ATG2B: variants seen among roughly 807,000 people sequenced by gnomAD.
The protein encoded by ATG2B is autophagy related 2B, also known as autophagy-related protein 2 homolog B.
In ATG2B, 121 loss-of-function variants were observed where a neutral mutation model predicts 241.3. The ratio of observed to expected loss-of-function variants is 0.50; its 90% CI spans 0.43 to 0.58. ATG2B has a LOEUF of 0.58. ATG2B is among the 20% of genes least tolerant of loss of function. The pLI is 0.00. For missense variants in ATG2B, 2,306 were observed against 2,491.6 expected, an observed-to-expected ratio of 0.93 and a Z score of 1.59; for synonymous variants, 858 against 876.6, an observed-to-expected ratio of 0.98 and a Z score of 0.37.
At chr14:96,317,579 A>C in intron 19 of ATG2B, 119 bp downstream of exon 19, 1 of 901,232 alleles carries the variant, frequency 1.1e-6, no homozygotes, top group East Asian at 2.7e-5. Context: ...TACTAAAAGA[A>C]ATTGCAAAAT....
At position 96,334,419 on chromosome 14, in the gene ATG2B, G is replaced by C. The variant is rs929157819; in HGVS notation, c.1007C>G (p.Ala336Gly). 6.2e-7 allele frequency: 1 copy of C among 1,607,384 alleles called. No individual in the cohort carries two copies. Residue 336 changes from alanine to glycine, a missense_variant, in exon 7 of 42, where the codon GCT becomes GGT. Around this residue, in one of 2 missense-constraint regions of ATG2B, gnomAD observed 1,927 missense variants for 2,011.2 expected, o/e 0.96. Transcript: ENST00000359933. ...ATTATACTTGCCTGGTCCAGCAATA[G>C]CTGCCAACATATCCAAAAGCAAGTG... ...QVHLLLDMLA[A>G]IAGPENSSKI...
At chr14:96,340,103 A>AATATATGCTATATATGAATATATATATC (rs1887978444) in intron 6 of ATG2B, among the ~76,000 whole-genome samples, 1 of 103,838 alleles carries the variant, frequency 9.6e-6, no homozygotes, top group East Asian at 3.4e-4. Context: ...TGCTATATAG[A>AATATATGCTATATATGAATATATATATC]ATATATGATA....
chr14:96,323,527 A>T (rs987940072), intron 16 of ATG2B, among the ~76,000 whole-genome samples: 4 of 152,236 alleles, frequency 2.6e-5, no homozygotes, highest in Admixed American at 2.6e-4. Context: ...CCTAATTGAT[A>T]CATATCCTAA....
chr14:96,338,570 G>C (rs1476574735), intron 6 of ATG2B, among the ~76,000 whole-genome samples: 2 of 152,098 alleles, frequency 1.3e-5, no homozygotes, highest in Non-Finnish European at 2.9e-5. Context: ...ATGATGCTGG[G>C]AAAACTGGCA....
At chr14:96,350,964 C>T (rs2139904037) in intron 1 of ATG2B, among the ~76,000 whole-genome samples, 1 of 152,324 alleles carries the variant, frequency 6.6e-6, no homozygotes, top group Non-Finnish European at 1.5e-5. Context: ...TATTCTTCCT[C>T]TCTTCAGAAA....
intron 1 of ATG2B, among the ~76,000 whole-genome samples, chr14:96,356,099 A>C (rs1888466426): frequency 6.7e-6 from 1 of 150,264 alleles, no homozygotes; most frequent in Admixed American, 6.7e-5. Context: ...TAAACCCGGG[A>C]GGCGGAGCTT....
intron 14 of ATG2B, among the ~76,000 whole-genome samples, chr14:96,327,168 C>T (rs1465298007): frequency 6.6e-6 from 1 of 151,718 alleles, no homozygotes; most frequent in South Asian, 2.1e-4. Flanking sequence ...CCAAGGGGGT[C>T]AAGACTGAAG....
intron 34 of ATG2B, among the ~76,000 whole-genome samples, chr14:96,297,787 AATTTT>A (rs1886688346): frequency 6.6e-6 from 1 of 151,332 alleles, no homozygotes; most frequent in African/African-American, 2.4e-5. Flanking sequence ...CCAACAACTC[AATTTT>A]ATTTTATTTT....
chr14:96,331,561 TGA>T lies in ATG2B; in HGVS notation c.1543_1544del (p.Ser515AsnfsTer7). On this transcript the variant is annotated frameshift_variant, in exon 11 of 42. Coordinates refer to ENST00000359933, the MANE Select transcript of ATG2B (RefSeq NM_018036.7). LOFTEE classifies it high-confidence loss of function. ...AAGGATCAATGTGAAGCACAGAGATTGAAAAAGTTCCCACAGCTAGTCTAAAA... is the reference window on the plus strand; with the variant it reads ...AAGGATCAATGTGAAGCACAGAGATTAAAAGTTCCCACAGCTAGTCTAAAA... ...LIFRLAVGTF[S>X]ISVLHIDPLS... 1 of 1,614,070 alleles carries T rather than the reference TGA, an allele frequency of 6.2e-7. No homozygotes were observed. Among genetic ancestry groups the T allele is most frequent in the Non-Finnish European group, 8.5e-7 (1 of 1,179,964 alleles).
chr14:96,294,759 C>T (rs922101463), intron 36 of ATG2B, among the ~76,000 whole-genome samples: 12 of 152,072 alleles, frequency 7.9e-5, no homozygotes, highest in South Asian at 2.1e-4. Flanking sequence ...GAAAGAGAGA[C>T]GAATTTGGAA....
rs555620161 is a variant in ATG2B, at chr14:96,320,159, C to T, written c.2879+1953G>A. Among the ~76,000 whole-genome samples the T allele has an allele frequency of 5.3e-5, 8 of 152,284 alleles. No homozygotes were observed. The East Asian group carries it at 5.8e-4, about 11-fold the overall frequency. ...CAATTACCCCCAAGTGCCACAACAA[C>T]GGAAGCCCCCAATATGCTAACTGCC... is the stretch of plus-strand genomic sequence containing the variant. On this transcript the variant is annotated intron_variant, in intron 18 of 41. Transcript: ENST00000359933.
chr14:96,281,787 A>G lies in ATG2B; in HGVS notation c.*3968T>C, dbSNP rs1886205561. The G allele has an allele frequency of 1.3e-5, 2 of 152,340 alleles. No homozygotes were observed. The highest frequency in any genetic ancestry group is 3.9e-4 in the East Asian group (2 of 5,182). 9.4% of individuals were successfully genotyped at this position (152,340 alleles called of 1,614,324 possible). Reference sequence around the variant, plus strand: ...TGCTTCCTATGAAGCAACATGCTTGAAATCAAGGGCCAACAATTGTTGTAG... The same window carrying G: ...TGCTTCCTATGAAGCAACATGCTTGGAATCAAGGGCCAACAATTGTTGTAG... On this transcript the variant is annotated 3_prime_UTR_variant, in exon 42 of 42. Transcript: ENST00000359933.
chr14:96,354,740 C>T (rs1198576972), intron 1 of ATG2B, among the ~76,000 whole-genome samples: 1 of 152,184 alleles, frequency 6.6e-6, no homozygotes, highest in Non-Finnish European at 1.5e-5. Flanking sequence ...CTCCCATCAA[C>T]AGTGTAAAAG....
In ATG2B at chr14:96,298,779, G is replaced by A. The variant is rs140155720; in HGVS notation, c.5140-3219C>T. 5.6e-3 allele frequency among the ~76,000 whole-genome samples: 853 copies of A among 152,316 alleles called. 8 individuals are homozygous for A. The highest frequency in any genetic ancestry group is 0.02 in the African/African-American group (831 of 41,574). ...GAAGATGAACTACAAAGGGACATGA[G>A]TGACGTCTTCACGGTAAGGAAAATG... On this transcript the variant is annotated intron_variant, in intron 34 of 41. Transcript: ENST00000359933.
intron 25 of ATG2B, 139 bp from the exon 26 acceptor site, chr14:96,312,298 G>A (rs1887181214): frequency 3.2e-6 from 2 of 620,810 alleles, no homozygotes; most frequent in Non-Finnish European, 5.6e-6. Flanking sequence ...ACTTATAACT[G>A]TCATCTAACA....
intron 5 of ATG2B, 86 bp downstream of exon 5, chr14:96,343,033 A>C: frequency 5.0e-6 from 5 of 998,500 alleles, no homozygotes; most frequent in Non-Finnish European, 5.7e-6. Context: ...AAGACATATT[A>C]TACATCCTAG....
chr14:96,305,800 G>C lies in ATG2B; in HGVS notation c.4522C>G (p.Pro1508Ala). Residue 1508 changes from proline (P) to alanine (A), a missense_variant, in exon 31 of 42, where the codon CCA becomes GCA. By Grantham distance (27) the Pro-to-Ala change is conservative. Transcript: ENST00000359933. ...TCATCAACCATGATTTTTATAACTG[G>C]TTCTTCTTCCTTCTCCTAAAATAAA... ...KAAMQEKEEE[P>A]VIKIMVDDAI... 6.2e-7 allele frequency: 1 copy of C among 1,613,778 alleles called. No homozygotes were observed. Among genetic ancestry groups the C allele is most frequent in the Non-Finnish European group, 8.5e-7 (1 of 1,179,782 alleles).
chr14:96,336,687 G>A (rs1331642851), intron 6 of ATG2B, among the ~76,000 whole-genome samples: 1 of 152,174 alleles, frequency 6.6e-6, no homozygotes, highest in African/African-American at 2.4e-5. Context: ...AACTATAAAA[G>A]TTATTGCTAT....
At chr14:96,292,751 A>G (rs1886521409) in intron 36 of ATG2B, among the ~76,000 whole-genome samples, 1 of 152,214 alleles carries the variant, frequency 6.6e-6, no homozygotes, top group Non-Finnish European at 1.5e-5. Context: ...CGACAAACAA[A>G]TATAGGGAAC....
Sources: allele counts gnomAD v4.1 joint callset (sites outside exome capture counted in the v4.1 genomes callset), GRCh38; gene constraint gnomAD v4.1.1; regional missense constraint gnomAD v4.1.1; transcripts MANE v1.5; gene names NCBI Gene and HGNC (gene_info 2026-07-23, HGNC 2026-07-21).